The following IQSEC1 variants were observed in gnomAD, a reference collection of about 807,000 sequenced individuals.
IQSEC1 encodes IQ motif and Sec7 domain ArfGEF 1.
Under a neutral mutation model 91.0 loss-of-function variants are expected in IQSEC1, and 31 were observed. The ratio of observed to expected loss-of-function variants is 0.34; its 90% CI spans 0.26 to 0.46. The LOEUF is 0.46. IQSEC1 is among the 20% of genes least tolerant of loss of function. IQSEC1 has a pLI of 1.00. For missense variants in IQSEC1, 1,388 were observed against 1,575.6 expected, an observed-to-expected ratio of 0.88 and a Z score of 2.02; for synonymous variants, 699 against 662.6, an observed-to-expected ratio of 1.05 and a Z score of -0.84.
chr3:13,106,565 T>C (rs1706155880), intron 2 of IQSEC1, among the ~76,000 whole-genome samples: 1 of 152,156 alleles, frequency 6.6e-6, no homozygotes, highest in Non-Finnish European at 1.5e-5. Flanking sequence ...AGAGAAGACT[T>C]AAACTTAGGC....
intron 1 of IQSEC1, among the ~76,000 whole-genome samples, chr3:12,984,611 C>T (rs897174113): frequency 3.3e-5 from 5 of 152,124 alleles, no homozygotes; most frequent in African/African-American, 4.8e-5. Context: ...CATGCATGCA[C>T]GACCTGTAGC....
chr3:13,253,045 G>A (rs975124495), intron 1 of IQSEC1, among the ~76,000 whole-genome samples: 6 of 152,186 alleles, frequency 3.9e-5, no homozygotes, highest in Non-Finnish European at 7.3e-5. Flanking sequence ...TATTATCTAC[G>A]TTTTTGATAG....
chr3:13,154,434 C>CATATAT (rs1351159624), intron 2 of IQSEC1, among the ~76,000 whole-genome samples: 9,481 of 29,008 alleles, frequency 0.33, 2,106 homozygotes, highest in East Asian at 0.39. Context: ...CTGGAACTTA[C>CATATAT]ATGCATATAT....
At chr3:13,047,526 A>G (rs1704545158) in intron 1 of IQSEC1, 1 of 985,046 alleles carries the variant, frequency 1.0e-6, no homozygotes, top group African/African-American at 1.7e-5. Context: ...GGAGCTCCTG[A>G]GGTGGCAAAA....
intron 2 of IQSEC1, among the ~76,000 whole-genome samples, chr3:13,122,851 G>A (rs530866787): frequency 3.9e-5 from 6 of 152,142 alleles, no homozygotes; most frequent in Non-Finnish European, 8.8e-5. Flanking sequence ...GGGAGGCAGC[G>A]TCCCTGTACC....
upstream of IQSEC1, among the ~76,000 whole-genome samples, chr3:13,077,975 G>C (rs533692630): frequency 3.3e-5 from 5 of 152,210 alleles, no homozygotes; most frequent in Non-Finnish European, 5.9e-5. Context: ...CCCACTTGCC[G>C]CCTTGCCAGG....
chr3:13,105,692 G>T (rs1706141546), intron 2 of IQSEC1, among the ~76,000 whole-genome samples: 2 of 151,954 alleles, frequency 1.3e-5, no homozygotes, highest in African/African-American at 4.8e-5. Context: ...CCTCAGCAGG[G>T]CCCATGACTG....
At chr3:13,275,448 T>C (rs1015542329) in intron 1 of IQSEC1, among the ~76,000 whole-genome samples, 5 of 152,218 alleles carry the variant, frequency 3.3e-5, no homozygotes, top group African/African-American at 1.2e-4. Context: ...TGTGCCCATC[T>C]GGGCCTCACC....
rs988208268 is a variant in IQSEC1 at position 13,213,714 on chromosome 3, C to G, written c.273-49581G>C. ...AAGCTAAGCAATTACCACCACATGACCGGGCCAGTGTGAGTGGGTCCCAGG... is the reference window on the plus strand; with the variant it reads ...AAGCTAAGCAATTACCACCACATGAGCGGGCCAGTGTGAGTGGGTCCCAGG... On this transcript the variant is annotated intron_variant, in intron 1 of 15. Coordinates refer to the IQSEC1 transcript ENST00000648114. Among the ~76,000 whole-genome samples the G allele has an allele frequency of 6.6e-5, 10 of 152,194 alleles. 1 individual carries two copies. The highest frequency in any genetic ancestry group is 2.4e-4 in the African/African-American group (10 of 41,446).
At chr3:13,183,645 C>T (rs1323841444) in intron 1 of IQSEC1, among the ~76,000 whole-genome samples, 3 of 152,022 alleles carry the variant, frequency 2.0e-5, no homozygotes, top group African/African-American at 7.2e-5. Flanking sequence ...AATTGAGTAC[C>T]CTCTAGACCA....
In IQSEC1 at chr3:13,104,574, C is replaced by G. The variant is rs528159217; in HGVS notation, c.303-57052G>C. ...ACAGGGACCACCTGGGTGCCATCCT[C>G]TTTCCCCTGTGCACGCTGGGGCCAC... On this transcript the variant is annotated intron_variant, in intron 2 of 15. Transcript: ENST00000648114. Among the ~76,000 whole-genome samples the G allele has an allele frequency of 1.8e-4, 28 of 152,348 alleles. No individual in the cohort carries two copies. In the South Asian group the frequency reaches 5.8e-3, roughly 32 times the overall value.
chr3:13,235,862 C>T (rs1188285319), intron 1 of IQSEC1, among the ~76,000 whole-genome samples: 1 of 152,194 alleles, frequency 6.6e-6, no homozygotes, highest in Non-Finnish European at 1.5e-5. Context: ...AAATCCTGTT[C>T]TTATGCCGCC....
intron 1 of IQSEC1, among the ~76,000 whole-genome samples, chr3:13,200,079 T>C (rs918933502): frequency 7.2e-6 from 1 of 139,386 alleles, no homozygotes; most frequent in Non-Finnish European, 1.5e-5. Context: ...ACACACAACA[T>C]GCATATACAC....
intron 1 of IQSEC1, among the ~76,000 whole-genome samples, chr3:13,183,558 T>A (rs1458248039): frequency 1.3e-5 from 2 of 151,762 alleles, no homozygotes; most frequent in African/African-American, 4.9e-5. Context: ...ATAGCAAGAT[T>A]CCATCTCAAA....
intron 1 of IQSEC1, among the ~76,000 whole-genome samples, chr3:13,057,337 G>T (rs1704913744): frequency 6.6e-6 from 1 of 152,212 alleles, no homozygotes; most frequent in Non-Finnish European, 1.5e-5. Flanking sequence ...CCTGCTGGGT[G>T]CAGTGGAGGC....
In IQSEC1 at chr3:12,899,164, G is replaced by C; in HGVS notation, c.*1819C>G. The C allele has an allele frequency of 1.7e-6, 1 of 581,602 alleles. No individual in the cohort carries two copies. The highest frequency in any genetic ancestry group is 2.1e-5 in the South Asian group (1 of 48,148). The allele number at this position is 581,602 out of a possible 1,614,324, so 36.0% of individuals were successfully genotyped here. ...GATCTCAATGATATGACCGAGGGTG[G>C]GAGGGATGTGAGGAGGGAAATCGGC... On this transcript the variant is annotated 3_prime_UTR_variant, in exon 14 of 14. Coordinates refer to ENST00000613206, the MANE Select transcript of IQSEC1 (RefSeq NM_001134382.3).
intron 1 of IQSEC1, among the ~76,000 whole-genome samples, chr3:13,184,881 C>T (rs748566703): frequency 2.0e-5 from 3 of 152,066 alleles, no homozygotes; most frequent in African/African-American, 7.2e-5. Flanking sequence ...GGGTGTGGGG[C>T]GTCAGGGGAC....
intron 1 of IQSEC1, among the ~76,000 whole-genome samples, chr3:13,238,112 G>A (rs1439912401): frequency 2.0e-5 from 3 of 152,214 alleles, no homozygotes; most frequent in Admixed American, 6.5e-5. Context: ...CACCCACCGC[G>A]TGCCCCAACC....
At position 13,024,893 on chromosome 3, in the gene IQSEC1, T is replaced by A. The variant is rs1033016419; in HGVS notation, c.23+48099A>T. 3.3e-5 allele frequency among the ~76,000 whole-genome samples: 5 copies of A among 152,356 alleles called. No individual in the cohort carries two copies. In the South Asian group the frequency reaches 6.2e-4, roughly 19 times the overall value. The stretch of plus-strand genomic sequence containing the variant: ...ACAAGCTACTTCCTCTTGCAGAGCC[T>A]CAGTTTGTCCCTTTGCAAAACAGGA... On this transcript the variant is annotated intron_variant, in intron 1 of 13. Transcript: ENST00000613206.
Sources: gnomAD v4.1 joint callset for allele counts (sites outside exome capture counted in the v4.1 genomes callset) on GRCh38, gnomAD v4.1.1 for gene constraint, MANE v1.5 for transcripts, NCBI Gene and HGNC (gene_info 2026-07-23, HGNC 2026-07-21) for gene names.